Variants in PLA2G4F observed in about 807,000 individuals in gnomAD.
The protein encoded by PLA2G4F is phospholipase A2 group IVF.
A neutral mutation model predicts 103.1 loss-of-function variants in PLA2G4F; 105 were observed. The observed-to-expected ratio is 1.02, with a 90% confidence interval of 0.87 to 1.20. The LOEUF (loss-of-function observed/expected upper bound fraction) is 1.20, where lower values mean the gene tolerates loss of function less well. Ranked by LOEUF, PLA2G4F falls within the 50% of genes most tolerant of loss-of-function variation. The pLI is 0.00. For missense variants in PLA2G4F, 1,155 were observed against 1,075.9 expected (o/e 1.07, Z -1.03); for synonymous variants, 468 against 441.1 (o/e 1.06, Z -0.76).
In PLA2G4F at chr15:42,147,776, T is replaced by C. The variant is rs769080409; in HGVS notation, c.1060-14A>G. The C allele has an allele frequency of 4.2e-5, 68 of 1,608,782 alleles. No homozygotes were observed. Among genetic ancestry groups the C allele is most frequent in the South Asian group, 4.4e-5 (4 of 91,008 alleles). On this transcript the variant is annotated splice_polypyrimidine_tract_variant and intron_variant, in intron 11 of 19. Transcript: ENST00000397272. Reference sequence around the variant, plus strand: ...CACTACAGGCACCTGGGTACAATAATAACAAGGATAACGACTCCGACTACC... The same window carrying C: ...CACTACAGGCACCTGGGTACAATAACAACAAGGATAACGACTCCGACTACC...
chr15:42,145,544 T>C, intron 16 of PLA2G4F, 31 bp downstream of exon 16: 3 of 1,589,692 alleles, frequency 1.9e-6, no homozygotes, highest in Non-Finnish European at 2.6e-6. Flanking sequence ...TGGAATGTGG[T>C]GTGGGAGGGG....
chr15:42,150,408 C>T lies in PLA2G4F; in HGVS notation c.850G>A (p.Gly284Ser). The T allele has an allele frequency of 6.2e-7, 1 of 1,613,098 alleles. No individual in the cohort carries two copies. Among genetic ancestry groups the T allele is most frequent in the Non-Finnish European group, 8.5e-7 (1 of 1,179,862 alleles). ...GGILLSSLPL[G>S]QEEQCSVALG... ...GCCACAGAACACTGTTCCTCCTGGC[C>T]TAGGGGCAGAGAGGAGAGCAGGATG... Residue 284 changes from glycine to serine, a missense_variant, in exon 9 of 20, where the codon GGC (glycine) becomes AGC (serine). Physicochemically the swap from Gly to Ser is moderately conservative, Grantham distance 56. Coordinates refer to ENST00000397272, the MANE Select transcript of PLA2G4F (RefSeq NM_213600.4).
chr15:42,143,738 C>A (rs1353392918), intron 18 of PLA2G4F, among the ~76,000 whole-genome samples: 1 of 152,180 alleles, frequency 6.6e-6, no homozygotes, highest in Non-Finnish European at 1.5e-5. Context: ...TCTTTGGCCT[C>A]CTCTTCCCAC....
intron 18 of PLA2G4F, among the ~76,000 whole-genome samples, chr15:42,143,111 A>G (rs1452279362): frequency 1.4e-5 from 2 of 145,246 alleles, no homozygotes; most frequent in Non-Finnish European, 3.0e-5. Context: ...CCTAGGAGGC[A>G]GAGGTTGCAG....
rs1472201009 is a variant in PLA2G4F at position 42,145,917 on chromosome 15, T to A, written c.1535-14A>T. On this transcript the variant is annotated splice_polypyrimidine_tract_variant and intron_variant, in intron 14 of 19. Coordinates refer to ENST00000397272, the MANE Select transcript of PLA2G4F (RefSeq NM_213600.4). Reference sequence around the variant, plus strand: ...ACTCGCACCACTCTAGGGGCCCGAGTGAAGGGAAAGTCACCAGGGGCTTCC... The same window carrying A: ...ACTCGCACCACTCTAGGGGCCCGAGAGAAGGGAAAGTCACCAGGGGCTTCC... The A allele has an allele frequency of 6.2e-7, 1 of 1,612,636 alleles. No homozygotes were observed. Among genetic ancestry groups the A allele is most frequent in the Non-Finnish European group, 8.5e-7 (1 of 1,179,272 alleles).
At chr15:42,149,298 G>A in intron 11 of PLA2G4F, 2 of 621,590 alleles carry the variant, frequency 3.2e-6, no homozygotes, top group Non-Finnish European at 4.0e-6. Flanking sequence ...CTTAGAAGAG[G>A]AGGAGGAGAC....
Position 42,156,428 on chromosome 15 carries a change from A to C in PLA2G4F, c.111+11T>G. 1 of 1,549,674 alleles carries C rather than the reference A, an allele frequency of 6.5e-7. No individual in the cohort carries two copies. The highest frequency in any genetic ancestry group is 8.7e-7 in the Non-Finnish European group (1 of 1,144,890). On this transcript the variant is annotated intron_variant, in intron 1 of 19. Coordinates refer to ENST00000397272, the MANE Select transcript of PLA2G4F (RefSeq NM_213600.4). Reference sequence around the variant, plus strand: ...CAGTCCGGGTTTCCCAGGTAATCTCAGGTACGTTACCCGCCAGTGCCTCCA... The same window carrying C: ...CAGTCCGGGTTTCCCAGGTAATCTCCGGTACGTTACCCGCCAGTGCCTCCA...
intron 16 of PLA2G4F, 145 bp from the exon 17 acceptor site, chr15:42,144,789 A>G: frequency 1.2e-6 from 1 of 836,950 alleles, no homozygotes; most frequent in Non-Finnish European, 1.7e-6. Flanking sequence ...CAAGCCTCTG[A>G]CCAATGCTTC....
Position 42,144,137 on chromosome 15 carries a change from G to T in PLA2G4F, c.1983C>A (p.His661Gln), listed in dbSNP as rs1236043414. Reference sequence around the variant, plus strand: ...TGAGCTGGTTGGGGAAGGCGTCCGGGTGTGTGTCTGCAAGGAACCCATGTG... The same window carrying T: ...TGAGCTGGTTGGGGAAGGCGTCCGGTTGTGTGTCTGCAAGGAACCCATGTG... ...GREFVAWKDT[H>Q]PDAFPNQLTP... is the part of the protein sequence containing the mutation. The change falls in exon 18 of 20, where the codon CAC becomes CAA. Residue 661 changes from histidine (H) to glutamine (Q), a missense_variant. Around this residue, in one of 3 missense-constraint regions of PLA2G4F, gnomAD observed 782 missense variants for 692.9 expected, o/e 1.13. Transcript: ENST00000397272. The T allele has an allele frequency of 6.2e-7, 1 of 1,608,554 alleles. No homozygotes were observed. Among genetic ancestry groups the T allele is most frequent in the Non-Finnish European group, 8.5e-7 (1 of 1,177,792 alleles).
At chr15:42,153,966 G>A (rs1006703599) in intron 4 of PLA2G4F, 126 bp downstream of exon 4, 1 of 1,430,304 alleles carries the variant, frequency 7.0e-7, no homozygotes, top group Non-Finnish European at 9.5e-7. Flanking sequence ...TAGGGTCAGG[G>A]CTGCGGGGTG....
Position 42,152,707 on chromosome 15 carries a change from T to G in PLA2G4F, c.582A>C (p.Thr194=). 1 of 1,557,574 alleles carries G rather than the reference T, an allele frequency of 6.4e-7. No homozygotes were observed. The highest frequency in any genetic ancestry group is 8.7e-7 in the Non-Finnish European group (1 of 1,149,954). ...ACTCACCGTACTCTTCCCGTGGGGC[T>G]GTCCCATCTCCCCGGAGCGTGCCCT... ...RIQGTLRGDG[T]APREEYGSRQ... is the part of the protein sequence containing the mutation. The change falls in exon 7 of 20, where the codon ACA becomes ACC. Residue 194 remains threonine, a synonymous_variant. Transcript: ENST00000397272.
rs551446269 is a variant in PLA2G4F at position 42,141,783 on chromosome 15, C to T, written c.*201G>A. The T allele has an allele frequency of 3.9e-4, 242 of 627,962 alleles. No individual in the cohort carries two copies. Among genetic ancestry groups the T allele is most frequent in the Non-Finnish European group, 6.2e-4 (217 of 352,660 alleles). The allele number at this position is 627,962 out of a possible 1,614,324, so 38.9% of individuals were successfully genotyped here. ...TGGAGCGATCTACTGCCCATCTTCT[C>T]CAAAAACACACAAGGAGAGCCCTGC... On this transcript the variant is annotated 3_prime_UTR_variant, in exon 20 of 20. Transcript: ENST00000397272.
At chr15:42,154,581 G>T (rs1303076495) in intron 2 of PLA2G4F, 123 bp from the exon 3 acceptor site, 16 of 1,146,698 alleles carry the variant, frequency 1.4e-5, no homozygotes, top group Non-Finnish European at 1.9e-5. Context: ...ACGTGGCATG[G>T]TGGGGTGAGG....
At position 42,141,982 on chromosome 15, in the gene PLA2G4F, G is replaced by A; in HGVS notation, c.*2C>T. ...GTCACAGTCCTCCGCTTCCTGCCTT[G>A]GTCAGGCCCCTGCCCTCTCCCGAGC... On this transcript the variant is annotated 3_prime_UTR_variant, in exon 20 of 20. Coordinates refer to ENST00000397272, the MANE Select transcript of PLA2G4F (RefSeq NM_213600.4). 6.2e-7 allele frequency: 1 copy of A among 1,612,508 alleles called. No homozygotes were observed. Among genetic ancestry groups the A allele is most frequent in the Non-Finnish European group, 8.5e-7 (1 of 1,179,150 alleles).
chr15:42,142,297 G>C, intron 19 of PLA2G4F, 93 bp from the exon 20 acceptor site: 2 of 1,310,324 alleles, frequency 1.5e-6, no homozygotes, highest in Non-Finnish European at 2.1e-6. Context: ...CAGGACACCT[G>C]GCTGGCTCCC....
chr15:42,142,862 G>C, intron 18 of PLA2G4F, 148 bp from the exon 19 acceptor site: 1 of 823,714 alleles, frequency 1.2e-6, no homozygotes, highest in South Asian at 1.7e-5. Context: ...TTCTGAGCTG[G>C]TTTCTCATGT....
intron 18 of PLA2G4F, among the ~76,000 whole-genome samples, chr15:42,143,289 G>A (rs559016408): frequency 3.7e-4 from 54 of 147,658 alleles, no homozygotes; most frequent in African/African-American, 1.2e-3. Context: ...ACAGCATTCC[G>A]CCATGGTCCT....
In PLA2G4F at chr15:42,142,720, C is replaced by G; in HGVS notation, c.2143-6G>C. On this transcript the variant is annotated splice_polypyrimidine_tract_variant and splice_region_variant and intron_variant, in intron 18 of 19. Transcript: ENST00000397272. ...TTCTCTGTCATCTTCAAGACCTGAG[C>G]AGGAGCAAGCCTCTGACTCTGCCTT... The G allele has an allele frequency of 1.9e-6, 3 of 1,613,792 alleles. No homozygotes were observed. Among genetic ancestry groups the G allele is most frequent in the Non-Finnish European group, 8.5e-7 (1 of 1,179,950 alleles).
At position 42,154,440 on chromosome 15, in the gene PLA2G4F, T is replaced by C. The variant is rs200159485; in HGVS notation, c.203A>G (p.Tyr68Cys). The change falls in exon 3 of 20, where the codon TAT becomes TGT. Residue 68 changes from tyrosine to cysteine, a missense_variant. Tyr to Cys is a radical substitution (Grantham distance 194, BLOSUM62 -2). Around this residue, in one of 3 missense-constraint regions of PLA2G4F, gnomAD observed 370 missense variants for 364.9 expected, o/e 1.01. Transcript: ENST00000397272. The stretch of plus-strand genomic sequence containing the variant: ...CGCCGTGGGCAGCCACAGTTGCACA[T>C]AGCAGTCGGCTTTGGACACTGCAGG... ...GTDLLSKADC[Y>C]VQLWLPTASP... 117 of 1,600,572 alleles carry C rather than the reference T, an allele frequency of 7.3e-5. 1 individual carries two copies. The East Asian group carries it at 1.8e-3, about 25-fold the overall frequency.
Sources: gnomAD v4.1 joint callset for allele counts (sites outside exome capture counted in the v4.1 genomes callset) on GRCh38, gnomAD v4.1.1 for gene constraint, gnomAD v4.1.1 regional missense constraint, MANE v1.5 for transcripts, NCBI Gene and HGNC (gene_info 2026-07-23, HGNC 2026-07-21) for gene names.